The following CASKIN1 variants were observed in gnomAD, a reference collection of about 807,000 sequenced individuals.
The protein encoded by CASKIN1 is CASK interacting protein 1.
A neutral mutation model predicts 117.5 loss-of-function variants in CASKIN1; 42 were observed. The observed-to-expected ratio is 0.36, with a 90% CI of 0.28 to 0.46. The LOEUF (loss-of-function observed/expected upper bound fraction) is 0.46. CASKIN1 is among the 20% of genes least tolerant of loss of function. CASKIN1 has a pLI of 1.00. For synonymous variants in CASKIN1, 1,148 were observed against 961.7 expected, an observed-to-expected ratio of 1.19 and a Z score of -3.59; for missense variants, 2,083 against 2,077.3, an observed-to-expected ratio of 1.00 and a Z score of -0.05.
chr16:2,181,954 C>G, intron 16 of CASKIN1, 25 bp from the exon 17 acceptor site: 2 of 1,610,000 alleles, frequency 1.2e-6, no homozygotes, highest in Non-Finnish European at 1.7e-6. Flanking sequence ...CACAGAGGAG[C>G]CACCTGGGCT....
At position 2,180,254 on chromosome 16, in the gene CASKIN1, G is replaced by A. The variant is rs1343838314; in HGVS notation, c.3114C>T (p.Gly1038=). ...PTPRPASPEP[G]RVATVLASVK... is the part of the protein sequence containing the mutation. Reference sequence around the variant, plus strand: ...CTGAGGCCAGCACGGTGGCCACCCGGCCCGGCTCTGGGCTGGCAGGGCGGG... The same window carrying A: ...CTGAGGCCAGCACGGTGGCCACCCGACCCGGCTCTGGGCTGGCAGGGCGGG... The change falls in exon 18 of 20, where the codon GGC becomes GGT. Residue 1038 remains glycine (G), a synonymous_variant. Coordinates refer to ENST00000343516, the MANE Select transcript of CASKIN1 (RefSeq NM_020764.4). 6.4e-7 allele frequency: 1 copy of A among 1,555,478 alleles called. No individual in the cohort carries two copies. Among genetic ancestry groups the A allele is most frequent in the South Asian group, 1.2e-5 (1 of 84,928 alleles).
rs201457279 is a variant in CASKIN1, at chr16:2,186,807, C to A, written c.948G>T (p.Pro316=). The A allele has an allele frequency of 1.2e-6, 2 of 1,612,962 alleles. No individual in the cohort carries two copies. Among genetic ancestry groups the A allele is most frequent in the East Asian group, 2.2e-5 (1 of 44,870 alleles). The change falls in exon 10 of 20, where the codon CCG becomes CCT. Residue 316 remains proline (P), a synonymous_variant. Coordinates refer to ENST00000343516, the MANE Select transcript of CASKIN1 (RefSeq NM_020764.4). ...GGATGCAGCCCTTCCACCGGCCATCCGGATGCTGCTCGAGGACCTGGCCAG... is the reference window on the plus strand; with the variant it reads ...GGATGCAGCCCTTCCACCGGCCATCAGGATGCTGCTCGAGGACCTGGCCAG... ...GDIITVLEQH[P]DGRWKGCIHD...
At chr16:2,193,708 G>A (rs1265473931) in intron 1 of CASKIN1, among the ~76,000 whole-genome samples, 1 of 152,242 alleles carries the variant, frequency 6.6e-6, no homozygotes, top group African/African-American at 2.4e-5. Flanking sequence ...CCTCAGGAAG[G>A]GGACCACCCC....
Position 2,179,035 on chromosome 16 carries a change from GCGC to G in CASKIN1, c.4063_4065del (p.Ala1355del). 1 of 1,124,618 alleles carries G rather than the reference GCGC, an allele frequency of 8.9e-7. No homozygotes were observed. The highest frequency in any genetic ancestry group is 1.1e-6 in the Non-Finnish European group (1 of 920,180). The allele number at this position is 1,124,618 out of a possible 1,614,324, so 69.7% of individuals were successfully genotyped here. ...GAGGCGCCTTCGGGCGGGGCGGGGG[GCGC>G]GGCGGCGGCGGCGGCGGCGGCGGCG... On this transcript the variant is annotated inframe_deletion, in exon 19 of 20. Transcript: ENST00000343516. The surrounding 1 kb of genome is among the most constrained non-coding windows in gnomAD (Gnocchi z 5.8).
chr16:2,181,402 C>A lies in CASKIN1; in HGVS notation c.1966G>T (p.Glu656Ter). ...SPKMTTFQDS[E>*]LSDELQAAMT... ...GCAGCCTGCAGCTCGTCACTGAGCT[C>A]GCTGTCCTGGAAGGTGGTCATTTTA... is the stretch of plus-strand genomic sequence containing the variant. Residue 656 changes from glutamate (E) to a stop codon, truncating the protein, a stop_gained, in exon 18 of 20, where the codon GAG becomes TAG. Transcript: ENST00000343516. LOFTEE classifies it high-confidence loss of function. 6.2e-7 allele frequency: 1 copy of A among 1,611,336 alleles called. No homozygotes were observed.
chr16:2,191,699 A>C (rs1334458188), intron 1 of CASKIN1, among the ~76,000 whole-genome samples: 1 of 152,226 alleles, frequency 6.6e-6, no homozygotes, highest in African/African-American at 2.4e-5. Context: ...TGCTGGCACC[A>C]GTGTCCCTCT....
intron 10 of CASKIN1, 47 bp from the exon 11 acceptor site, chr16:2,185,455 G>A (rs1320400984): frequency 2.0e-6 from 3 of 1,490,966 alleles, no homozygotes; most frequent in Non-Finnish European, 2.7e-6. Flanking sequence ...GCGATGGCGG[G>A]TACTGACGCA....
At position 2,180,770 on chromosome 16, in the gene CASKIN1, G is replaced by C; in HGVS notation, c.2598C>G (p.Pro866=). Residue 866 remains proline (P), a synonymous_variant, in exon 18 of 20, where the codon CCC becomes CCG. Coordinates refer to ENST00000343516, the MANE Select transcript of CASKIN1 (RefSeq NM_020764.4). ...GCCCCGGCTCCGCGTCGGCCTCAGG[G>C]GGCAGGCACAGTGTGGGCACAGCCG... ...VPTAVPTLCL[P]PEADAEPGRP... 1 of 1,431,320 alleles carries C rather than the reference G, an allele frequency of 7.0e-7. No individual in the cohort carries two copies. Among genetic ancestry groups the C allele is most frequent in the East Asian group, 2.7e-5 (1 of 37,422 alleles). 88.7% of individuals were successfully genotyped at this position (1,431,320 alleles called of 1,614,324 possible). A position where few individuals can be genotyped will look rare whatever the true frequency, so the allele number is the denominator to read the frequency against.
intron 3 of CASKIN1, among the ~76,000 whole-genome samples, chr16:2,189,777 G>C (rs554964049): frequency 2.1e-3 from 314 of 150,936 alleles, no homozygotes; most frequent in African/African-American, 7.4e-3. Context: ...AACCCTGGGA[G>C]GTGGGAATGC....
Position 2,185,108 on chromosome 16 carries a change from T to C in CASKIN1, c.1239+3A>G. The C allele has an allele frequency of 6.2e-7, 1 of 1,609,290 alleles. No homozygotes were observed. The highest frequency in any genetic ancestry group is 1.3e-5 in the African/African-American group (1 of 75,050). ...CCCTGGCCCTGGCCACTACCCCACC[T>C]ACCTTGACGCCTTCAGAGCCCGCGT... is the stretch of plus-strand genomic sequence containing the variant. On this transcript the variant is annotated splice_donor_region_variant and intron_variant, in intron 12 of 19. Transcript: ENST00000343516.
Position 2,184,828 on chromosome 16 carries a change from C to G in CASKIN1, c.1365G>C (p.Gln455His). ...TCTTGGGCGGCTGCTCCCCATAGACCTGCCCGGCGTGGGCCACTGGAGGCT... is the reference window on the plus strand; with the variant it reads ...TCTTGGGCGGCTGCTCCCCATAGACGTGCCCGGCGTGGGCCACTGGAGGCT... ...RSQPPVAHAG[Q>H]VYGEQPPKKL... is the part of the protein sequence containing the mutation. The change falls in exon 14 of 20, where the codon CAG becomes CAC. Residue 455 changes from glutamine to histidine, a missense_variant. Gln to His is a conservative substitution (Grantham distance 24, BLOSUM62 0). Transcript: ENST00000343516. 1 of 1,557,746 alleles carries G rather than the reference C, an allele frequency of 6.4e-7. No individual in the cohort carries two copies.
chr16:2,179,317 G>C lies in CASKIN1; in HGVS notation c.3784C>G (p.Arg1262Gly), dbSNP rs1176202094. Residue 1262 changes from arginine (R) to glycine (G), a missense_variant, in exon 19 of 20, where the codon CGC (arginine) becomes GGC (glycine). By Grantham distance (125) the Arg-to-Gly change is moderately radical. Around this residue, in one of 3 missense-constraint regions of CASKIN1, gnomAD observed 1,818 missense variants for 1,688.9 expected, o/e 1.08. Coordinates refer to ENST00000343516, the MANE Select transcript of CASKIN1 (RefSeq NM_020764.4). The surrounding 1 kb of genome is among the most constrained non-coding windows in gnomAD (Gnocchi z 5.8). Reference sequence around the variant, plus strand: ...ACGGGCGGTGGCGTGCCGTGGGCGCGCTTCACCTCTGCGGGGAGGACCACG... The same window carrying C: ...ACGGGCGGTGGCGTGCCGTGGGCGCCCTTCACCTCTGCGGGGAGGACCACG... ...LPGPGSPEVK[R>G]AHGTPPPVSP... 7 of 1,244,410 alleles carry C rather than the reference G, an allele frequency of 5.6e-6. No homozygotes were observed. The highest frequency in any genetic ancestry group is 7.0e-6 in the Non-Finnish European group (7 of 996,520). The allele number at this position is 1,244,410 out of a possible 1,614,324, so 77.1% of individuals were successfully genotyped here. A position where few individuals can be genotyped will look rare whatever the true frequency, so the allele number is the denominator to read the frequency against.
rs370541014 is a variant in CASKIN1 at position 2,178,679 on chromosome 16, C to T, written c.4200-33G>A. The T allele has an allele frequency of 1.1e-4, 164 of 1,516,850 alleles. No homozygotes were observed. In the African/African-American group the frequency reaches 2.0e-3, roughly 19 times the overall value. 94.0% of individuals were successfully genotyped at this position (1,516,850 alleles called of 1,614,324 possible). ...GCGCGGGGCAAGGGGCGTGAGTGGG[C>T]GGGGCGGGTCTGGCCACGCCCACCC... On this transcript the variant is annotated intron_variant, in intron 19 of 19. Transcript: ENST00000343516.
rs2093215163 is a variant in CASKIN1 at position 2,196,083 on chromosome 16, C to G, written c.94+256G>C. On this transcript the variant is annotated intron_variant, in intron 1 of 19. Coordinates refer to ENST00000343516, the MANE Select transcript of CASKIN1 (RefSeq NM_020764.4). The surrounding 1 kb of genome is among the most constrained non-coding windows in gnomAD (Gnocchi z 5.7). ...AGGTAGAGAGAGAGGGATGCGAACG[C>G]CCGCGGCCCGGGAGGCGGGTGCCGC... Among the ~76,000 whole-genome samples, 1 of 152,080 alleles carries G rather than the reference C, an allele frequency of 6.6e-6. No individual in the cohort carries two copies. The highest frequency in any genetic ancestry group is 1.5e-5 in the Non-Finnish European group (1 of 67,978).
At position 2,179,931 on chromosome 16, in the gene CASKIN1, T is replaced by G. The variant is rs773884570; in HGVS notation, c.3437A>C (p.Asp1146Ala). The G allele has an allele frequency of 3.1e-6, 5 of 1,605,514 alleles. No individual in the cohort carries two copies. The Admixed American group carries it at 8.4e-5, about 27-fold the overall frequency. ...ENVKFILTESDTVKRRPKAKE... is the reference protein window; with the variant it reads ...ENVKFILTESATVKRRPKAKE... ...GGCCTTGGGCCTGCGCTTGACCGTG[T>G]CAGACTCGGTCAGGATGAACTTGAC... Residue 1146 changes from aspartate (D) to alanine (A), a missense_variant, in exon 18 of 20, where the codon GAC becomes GCC. By Grantham distance (126) the Asp-to-Ala change is moderately radical (BLOSUM62 -2). Transcript: ENST00000343516. The surrounding 1 kb of genome is among the most constrained non-coding windows in gnomAD (Gnocchi z 5.8).
chr16:2,187,588 G>A (rs1214274986), intron 6 of CASKIN1, 127 bp from the exon 7 acceptor site: 2 of 698,478 alleles, frequency 2.9e-6, no homozygotes, highest in East Asian at 2.7e-5. Flanking sequence ...GTCCAGCCCT[G>A]CCCCATGTCT....
rs928189919 is a variant in CASKIN1 at position 2,177,788 on chromosome 16, G to T, written c.*762C>A. On this transcript the variant is annotated 3_prime_UTR_variant, in exon 20 of 20. Coordinates refer to ENST00000343516, the MANE Select transcript of CASKIN1 (RefSeq NM_020764.4). ...GCCAGGAGGAGGACACGGCCGCCGA[G>T]AGCAAGGCACAACCTCGAGTTCTTG... is the stretch of plus-strand genomic sequence containing the variant. The T allele has an allele frequency of 4.9e-5, 12 of 245,916 alleles. No individual in the cohort carries two copies. The highest frequency in any genetic ancestry group is 2.7e-4 in the African/African-American group (12 of 45,210). 15.2% of individuals were successfully genotyped at this position (245,916 alleles called of 1,614,324 possible).
In CASKIN1 at chr16:2,178,244, C is replaced by G. The variant is rs1216978061; in HGVS notation, c.*306G>C. The G allele has an allele frequency of 4.9e-6, 2 of 410,530 alleles. No homozygotes were observed. The highest frequency in any genetic ancestry group is 4.3e-5 in the African/African-American group (2 of 46,292). The allele number at this position is 410,530 out of a possible 1,614,324, so 25.4% of individuals were successfully genotyped here. A position where few individuals can be genotyped will look rare whatever the true frequency, so the allele number is the denominator to read the frequency against. On this transcript the variant is annotated 3_prime_UTR_variant, in exon 20 of 20. Transcript: ENST00000343516. ...GGGCAGTTCTGTGCTGGGCCCGGGC[C>G]TGTGCGCTGCCCCATCCCTGGTCCC... is the stretch of plus-strand genomic sequence containing the variant.
In CASKIN1 at chr16:2,196,464, G is replaced by C; in HGVS notation, c.-32C>G. 9.1e-7 allele frequency: 1 copy of C among 1,103,744 alleles called. No individual in the cohort carries two copies. Among genetic ancestry groups the C allele is most frequent in the Non-Finnish European group, 1.1e-6 (1 of 895,672 alleles). The allele number at this position is 1,103,744 out of a possible 1,614,324, so 68.4% of individuals were successfully genotyped here. A position where few individuals can be genotyped will look rare whatever the true frequency, so the allele number is the denominator to read the frequency against. On this transcript the variant is annotated 5_prime_UTR_variant, in exon 1 of 20. Transcript: ENST00000343516. The surrounding 1 kb of genome is among the most constrained non-coding windows in gnomAD (Gnocchi z 5.7). ...GCCGGGGCCGCAGCGACGCGGCTGC[G>C]CTCGTGAGCTCGGCGCGGCTCAGAG...
Sources: gnomAD v4.1 joint callset for allele counts (sites outside exome capture counted in the v4.1 genomes callset) on GRCh38, gnomAD v4.1.1 for gene constraint, gnomAD v4.1.1 regional missense constraint, Gnocchi (gnomAD v3.1) non-coding constraint, MANE v1.5 for transcripts, NCBI Gene and HGNC (gene_info 2026-07-23, HGNC 2026-07-21) for gene names.